NCAPG2: variants seen among roughly 807,000 people sequenced by gnomAD.
The protein encoded by NCAPG2 is condensin-2 complex subunit G2.
NCAPG2 carries 53 observed loss-of-function variants against 141.1 expected under a neutral mutation model. The ratio of observed to expected loss-of-function variants is 0.38; its 90% CI spans 0.30 to 0.47. The LOEUF is 0.47. NCAPG2 is among the 20% of genes least tolerant of loss of function. NCAPG2 has a pLI of 0.99. For missense variants in NCAPG2, 1,087 were observed against 1,389.0 expected, an observed-to-expected ratio of 0.78 and a Z score of 3.46; for synonymous variants, 499 against 490.7, an observed-to-expected ratio of 1.02 and a Z score of -0.22.
At position 158,644,407 on chromosome 7, in the gene NCAPG2, AAGAC is replaced by A. The variant is rs773529437; in HGVS notation, c.3281-23_3281-20del. The A allele has an allele frequency of 6.3e-7, 1 of 1,575,508 alleles. No individual in the cohort carries two copies. The highest frequency in any genetic ancestry group is 8.7e-7 in the Non-Finnish European group (1 of 1,145,314). ...TGTTTACCTGGGAAAATTATATTAAAAGACAGAAAAGACTTTAACATCACTACAC... is the reference window on the plus strand; with the variant it reads ...TGTTTACCTGGGAAAATTATATTAAAAGAAAAGACTTTAACATCACTACAC... On this transcript the variant is annotated intron_variant, in intron 26 of 27. Transcript: ENST00000356309.
intron 27 of NCAPG2, among the ~76,000 whole-genome samples, chr7:158,637,442 G>A (rs367612691): frequency 4.7e-4 from 5 of 10,712 alleles, no homozygotes; most frequent in African/African-American, 1.4e-3. Flanking sequence ...CCAGGTTTCC[G>A]TAAGGCCCCC....
intron 16 of NCAPG2, among the ~76,000 whole-genome samples, chr7:158,659,221 C>T (rs998620126): frequency 2.7e-5 from 4 of 148,456 alleles, no homozygotes; most frequent in African/African-American, 7.5e-5. Context: ...CCCAACTACT[C>T]GGAAGGCTGG....
In NCAPG2 at chr7:158,655,324, C is replaced by T. The variant is rs1340459919; in HGVS notation, c.2505+15G>A. On this transcript the variant is annotated intron_variant, in intron 20 of 27. Coordinates refer to ENST00000356309, the MANE Select transcript of NCAPG2 (RefSeq NM_017760.7). ...ACTGTGTATCATCCTAATAGAGGGC[C>T]AGGAGCAGGCACACCTTGTGCTGAA... The T allele has an allele frequency of 6.2e-7, 1 of 1,613,994 alleles. No individual in the cohort carries two copies. Among genetic ancestry groups the T allele is most frequent in the African/African-American group, 1.3e-5 (1 of 74,908 alleles).
At chr7:158,653,697 T>C (rs28710256) in intron 22 of NCAPG2, among the ~76,000 whole-genome samples, 26,342 of 152,180 alleles carry the variant, frequency 0.17, 3,175 homozygotes, top group East Asian at 0.51. Context: ...ACCAACTTAA[T>C]CTAATTTTCA....
chr7:158,688,171 G>A (rs140491340), intron 6 of NCAPG2, among the ~76,000 whole-genome samples: 317 of 59,134 alleles, frequency 5.4e-3, no homozygotes, highest in African/African-American at 0.018. Context: ...CTCACAACAG[G>A]CAAGTTAAAA....
At chr7:158,663,198 A>C (rs1487896210) in intron 15 of NCAPG2, among the ~76,000 whole-genome samples, 1 of 152,204 alleles carries the variant, frequency 6.6e-6, no homozygotes, top group African/African-American at 2.4e-5. Context: ...TCTAACGTAT[A>C]CTGAGGGAGA....
chr7:158,692,649 G>A (rs1029892885), intron 4 of NCAPG2, among the ~76,000 whole-genome samples, 193 bp downstream of exon 4: 2 of 152,252 alleles, frequency 1.3e-5, no homozygotes, highest in African/African-American at 4.8e-5. Flanking sequence ...GCTGAGGCAA[G>A]AGAATCGCTT....
At chr7:158,636,710 T>C (rs1384364081) in intron 27 of NCAPG2, among the ~76,000 whole-genome samples, 1 of 151,890 alleles carries the variant, frequency 6.6e-6, no homozygotes, top group Non-Finnish European at 1.5e-5. Context: ...CCAACATTAT[T>C]TCTAATAAAG....
At position 158,701,868 on chromosome 7, in the gene NCAPG2, A is replaced by G. The variant is rs1835817445; in HGVS notation, c.32T>C (p.Val11Ala). 6.2e-7 allele frequency: 1 copy of G among 1,613,596 alleles called. No individual in the cohort carries two copies. Among genetic ancestry groups the G allele is most frequent in the African/African-American group, 1.3e-5 (1 of 74,908 alleles). MEKRETFVQA[V>A]SKELVGEFLQ... ...AAACTCTCCAACCAGCTCCTTAGAC[A>G]CGGCTTGTACAAACGTCTCACGTTT... The change falls in exon 2 of 28, where the codon GTG (valine) becomes GCG (alanine). Residue 11 changes from valine (V) to alanine (A), a missense_variant. Coordinates refer to ENST00000356309, the MANE Select transcript of NCAPG2 (RefSeq NM_017760.7).
intron 1 of NCAPG2, 39 bp from the exon 2 acceptor site, chr7:158,701,977 A>G: frequency 1.6e-6 from 2 of 1,243,422 alleles, no homozygotes; most frequent in Non-Finnish European, 2.3e-6. Flanking sequence ...ACTTGCAAAT[A>G]TATCTTTTCC....
chr7:158,662,407 T>C (rs369457588), intron 15 of NCAPG2, 40 bp from the exon 16 acceptor site: 9 of 1,477,146 alleles, frequency 6.1e-6, no homozygotes, highest in Admixed American at 2.4e-5. Flanking sequence ...GATCTAATCA[T>C]AGCAACTACT....
intron 9 of NCAPG2, among the ~76,000 whole-genome samples, chr7:158,681,207 A>AC (rs953104364): frequency 1.7e-4 from 26 of 152,342 alleles, no homozygotes; most frequent in African/African-American, 4.8e-4. Flanking sequence ...GTTCCAAAAC[A>AC]TTAACTAACC....
chr7:158,668,671 CAAAAT>C (rs914355481), intron 13 of NCAPG2, among the ~76,000 whole-genome samples: 8 of 152,054 alleles, frequency 5.3e-5, no homozygotes, highest in African/African-American at 1.7e-4. Context: ...TTTGAAAATT[CAAAAT>C]AAAAAATTAA....
intron 9 of NCAPG2, among the ~76,000 whole-genome samples, chr7:158,682,226 TTACA>T (rs1427175741): frequency 2.6e-5 from 4 of 152,092 alleles, no homozygotes; most frequent in African/African-American, 9.7e-5. Flanking sequence ...TAAACATAGT[TTACA>T]TAAATACATA....
chr7:158,654,539 A>T, intron 22 of NCAPG2, 56 bp downstream of exon 22: 1 of 1,520,118 alleles, frequency 6.6e-7, no homozygotes. Flanking sequence ...TAAAGGAGGG[A>T]GGGAGGGAAG....
intron 16 of NCAPG2, among the ~76,000 whole-genome samples, chr7:158,659,768 G>T (rs1307071219): frequency 6.6e-6 from 1 of 152,122 alleles, no homozygotes; most frequent in Non-Finnish European, 1.5e-5. Flanking sequence ...GAATTAATTT[G>T]CATTCACAGT....
At position 158,634,335 on chromosome 7, in the gene NCAPG2, T is replaced by C. The variant is rs183248715; in HGVS notation, c.3381-2618A>G. 4.1e-4 allele frequency among the ~76,000 whole-genome samples: 63 copies of C among 152,312 alleles called. No homozygotes were observed. In the East Asian group the frequency reaches 0.011, roughly 27 times the overall value. On this transcript the variant is annotated intron_variant, in intron 27 of 27. Transcript: ENST00000356309. ...AATAATTGTTATACTATATTGTCTA[T>C]ATACTATATCGTCTATATTGTTATA...
chr7:158,690,451 A>G (rs918968838), intron 5 of NCAPG2, 117 bp downstream of exon 5: 1 of 961,670 alleles, frequency 1.0e-6, no homozygotes, highest in Non-Finnish European at 1.5e-6. Context: ...AGGCTGAGGC[A>G]GGAGGATTGC....
rs747361807 is a variant in NCAPG2 at position 158,656,550 on chromosome 7, A to G, written c.2214+2T>C. The G allele has an allele frequency of 2.5e-6, 4 of 1,614,036 alleles. No individual in the cohort carries two copies. The highest frequency in any genetic ancestry group is 2.5e-6 in the Non-Finnish European group (3 of 1,179,988). ...TTTTAAGGAAACATGATGTCAACCTACCTTGGCCTGGGCATGCTCTGTGGG... is the reference window on the plus strand; with the variant it reads ...TTTTAAGGAAACATGATGTCAACCTGCCTTGGCCTGGGCATGCTCTGTGGG... On this transcript the variant is annotated splice_donor_variant, in intron 18 of 27. Coordinates refer to ENST00000356309, the MANE Select transcript of NCAPG2 (RefSeq NM_017760.7). LOFTEE classifies it high-confidence loss of function.
Sources: gnomAD v4.1 joint callset for allele counts (sites outside exome capture counted in the v4.1 genomes callset) on GRCh38, gnomAD v4.1.1 for gene constraint, MANE v1.5 for transcripts, NCBI Gene and HGNC (gene_info 2026-07-23, HGNC 2026-07-21) for gene names.